GRPEL2: variants seen among roughly 807,000 people sequenced by gnomAD.
The protein encoded by GRPEL2 is grpE protein homolog 2, mitochondrial.
Under a neutral mutation model 25.9 loss-of-function variants are expected in GRPEL2, and 18 were observed. The observed-to-expected ratio is 0.70, with a 90% CI of 0.48 to 1.03. The LOEUF is 1.03. Among genes scored for constraint, GRPEL2 ranks in the 50% least tolerant of loss-of-function variants. The pLI, the probability that GRPEL2 is intolerant of heterozygous loss-of-function variation, is 0.00. For missense variants in GRPEL2, 247 were observed against 276.2 expected (o/e 0.89, Z 0.75); for synonymous variants, 106 against 107.9 (o/e 0.98, Z 0.11).
rs1460106645 is a variant in GRPEL2 at position 149,352,265 on chromosome 5, T to TTAAATA, written c.*983_*984insTAAATA. The TTAAATA allele has an allele frequency of 6.6e-6, 1 of 152,114 alleles. No individual in the cohort carries two copies. Among genetic ancestry groups the TTAAATA allele is most frequent in the East Asian group, 1.9e-4 (1 of 5,198 alleles). The allele number at this position is 152,114 out of a possible 1,614,324, so 9.4% of individuals were successfully genotyped here. A position where few individuals can be genotyped will look rare whatever the true frequency, so the allele number is the denominator to read the frequency against. ...TTTAAGTTTCCTCTGGCTCTATTTA[T>TTAAATA]GTTACTTTTTGCGATAAGAACACTT... On this transcript the variant is annotated 3_prime_UTR_variant, in exon 4 of 4. Transcript: ENST00000329271.
chr5:149,348,755 C>G lies in GRPEL2; in HGVS notation c.231+330C>G, dbSNP rs115867108. ...TTGTTGAATGAGTGAGGTCACTGAC[C>G]ATTGTTCTTTGCTGATGAGACCATG... On this transcript the variant is annotated intron_variant, in intron 2 of 3. Coordinates refer to ENST00000329271, the MANE Select transcript of GRPEL2 (RefSeq NM_152407.4). 3.3e-3 allele frequency among the ~76,000 whole-genome samples: 503 copies of G among 152,166 alleles called. 2 individuals are homozygous for G. The highest frequency in any genetic ancestry group is 6.1e-3 in the Non-Finnish European group (416 of 67,996).
chr5:149,345,900 T>C, intron 1 of GRPEL2: 2 of 451,918 alleles, frequency 4.4e-6, no homozygotes, highest in Non-Finnish European at 7.9e-6. Context: ...GATGTACCAC[T>C]CTCCCGGCCT....
At chr5:149,346,838 C>T (rs1039695923) in intron 1 of GRPEL2, among the ~76,000 whole-genome samples, 3 of 147,536 alleles carry the variant, frequency 2.0e-5, no homozygotes, top group Non-Finnish European at 4.5e-5. Flanking sequence ...CCCGGGTTCA[C>T]GCCATTCTCC....
intron 2 of GRPEL2, among the ~76,000 whole-genome samples, chr5:149,349,425 C>T (rs913424027): frequency 3.3e-5 from 5 of 152,160 alleles, no homozygotes; most frequent in Non-Finnish European, 7.4e-5. Flanking sequence ...AACTTGAAAC[C>T]GTTAGGAGTT....
rs752290638 is a variant in GRPEL2 at position 149,351,154 on chromosome 5, G to A, written c.550G>A (p.Val184Met). 6 of 1,614,188 alleles carry A rather than the reference G, an allele frequency of 3.7e-6. No individual in the cohort carries two copies. In the South Asian group the frequency reaches 6.6e-5, roughly 18 times the overall value. The change falls in exon 4 of 4, where the codon GTG (valine) becomes ATG (methionine). Residue 184 changes from valine to methionine, a missense_variant. Val to Met is a conservative substitution (Grantham distance 21). Transcript: ENST00000329271. Reference sequence around the variant, plus strand: ...CCATGAGCATGAACTCATCTGTCATGTGCCAGCTGGTGTTGGGGTGCAGCC... The same window carrying A: ...CCATGAGCATGAACTCATCTGTCATATGCCAGCTGGTGTTGGGGTGCAGCC... ...DPHEHELICH[V>M]PAGVGVQPGT... is the part of the protein sequence containing the mutation.
At position 149,349,819 on chromosome 5, in the gene GRPEL2, G is replaced by C. The variant is rs528422476; in HGVS notation, c.313+84G>C. 24 of 957,960 alleles carry C rather than the reference G, an allele frequency of 2.5e-5. 1 individual carries two copies. Among genetic ancestry groups the C allele is most frequent in the Middle Eastern group, 4.2e-4 (2 of 4,778 alleles). 59.3% of individuals were successfully genotyped at this position (957,960 alleles called of 1,614,324 possible). On this transcript the variant is annotated intron_variant, in intron 3 of 3. Transcript: ENST00000329271. Reference sequence around the variant, plus strand: ...AATCCCAGCACTTTGAGAGTCTAAGGCTGTCAGATCACATGAGATCAGGAT... The same window carrying C: ...AATCCCAGCACTTTGAGAGTCTAAGCCTGTCAGATCACATGAGATCAGGAT...
At position 149,351,477 on chromosome 5, in the gene GRPEL2, C is replaced by T. The variant is rs1330687596; in HGVS notation, c.*195C>T. ...TCTCATCAGAAGTCTTACCATTGGG[C>T]ATTTGAACAGTGTGACAGGTGTTCC... On this transcript the variant is annotated 3_prime_UTR_variant, in exon 4 of 4. Transcript: ENST00000329271. 1.2e-5 allele frequency: 7 copies of T among 569,352 alleles called. No homozygotes were observed. Among genetic ancestry groups the T allele is most frequent in the African/African-American group, 5.6e-5 (3 of 53,556 alleles). The allele number at this position is 569,352 out of a possible 1,614,324, so 35.3% of individuals were successfully genotyped here. A position where few individuals can be genotyped will look rare whatever the true frequency, so the allele number is the denominator to read the frequency against.
chr5:149,346,233 CG>C (rs1454705392), intron 1 of GRPEL2, among the ~76,000 whole-genome samples: 87 of 152,284 alleles, frequency 5.7e-4, no homozygotes, highest in African/African-American at 2.0e-3. Context: ...TGGTGGAACC[CG>C]GGCTGGAAAC....
At position 149,353,567 on chromosome 5, in the gene GRPEL2, G is replaced by C. The variant is rs1314799753; in HGVS notation, c.*2285G>C. ...CCATGACTGGCTAGTTTTGTTTTTT[G>C]GTTTTTGGTTTTTGGTTTTTGGTTT... is the stretch of plus-strand genomic sequence containing the variant. On this transcript the variant is annotated 3_prime_UTR_variant, in exon 4 of 4. Transcript: ENST00000329271. 1 of 135,696 alleles carries C rather than the reference G, an allele frequency of 7.4e-6. No individual in the cohort carries two copies. Among genetic ancestry groups the C allele is most frequent in the Admixed American group, 7.0e-5 (1 of 14,190 alleles). 8.4% of individuals were successfully genotyped at this position (135,696 alleles called of 1,614,324 possible). A position where few individuals can be genotyped will look rare whatever the true frequency, so the allele number is the denominator to read the frequency against.
chr5:149,347,557 G>A (rs711163), intron 1 of GRPEL2, among the ~76,000 whole-genome samples: 17,214 of 152,198 alleles, frequency 0.11, 1,324 homozygotes, highest in Non-Finnish European at 0.17. Flanking sequence ...TGAACTAAAT[G>A]TCAAAACAGT....
In GRPEL2 at chr5:149,348,255, C is replaced by T; in HGVS notation, c.78-17C>T. 6.3e-7 allele frequency: 1 copy of T among 1,579,974 alleles called. No homozygotes were observed. The highest frequency in any genetic ancestry group is 8.6e-7 in the Non-Finnish European group (1 of 1,168,460). ...GATGGCATTTCTTCATTATGTGCCA[C>T]CTCCTTCCTGTTTTAGGGGATGGCC... On this transcript the variant is annotated splice_polypyrimidine_tract_variant and intron_variant, in intron 1 of 3. Transcript: ENST00000329271.
intron 3 of GRPEL2, among the ~76,000 whole-genome samples, chr5:149,350,318 T>C (rs1229350154): frequency 6.6e-6 from 1 of 152,236 alleles, no homozygotes; most frequent in African/African-American, 2.4e-5. Context: ...GTATGACTCT[T>C]TTAAAAAATC....
chr5:149,348,561 C>T, intron 2 of GRPEL2, 136 bp downstream of exon 2: 1 of 671,876 alleles, frequency 1.5e-6, no homozygotes, highest in Non-Finnish European at 2.4e-6. Flanking sequence ...CTCCTCCACT[C>T]CTTGCTAGGT....
intron 1 of GRPEL2, among the ~76,000 whole-genome samples, chr5:149,347,352 A>G (rs1371082424): frequency 6.6e-6 from 1 of 152,150 alleles, no homozygotes; most frequent in African/African-American, 2.4e-5. Flanking sequence ...TCTACAGTAT[A>G]TGCCAGTCCA....
chr5:149,349,974 G>A (rs940684921), intron 3 of GRPEL2: 5 of 541,724 alleles, frequency 9.2e-6, no homozygotes, highest in Non-Finnish European at 1.6e-5. Flanking sequence ...AACCCAGGAG[G>A]CAGAGGTTGC....
Position 149,353,998 on chromosome 5 carries a change from G to A in GRPEL2, c.*2716G>A, listed in dbSNP as rs895722710. The A allele has an allele frequency of 2.6e-5, 4 of 152,138 alleles. No homozygotes were observed. Among genetic ancestry groups the A allele is most frequent in the African/African-American group, 9.7e-5 (4 of 41,428 alleles). 9.4% of individuals were successfully genotyped at this position (152,138 alleles called of 1,614,324 possible). On this transcript the variant is annotated 3_prime_UTR_variant, in exon 4 of 4. Transcript: ENST00000329271. ...AATGTGTTAAATGCCTACTACAGTA[G>A]GTGCTCAGATATTTATTTTTATTTT... is the stretch of plus-strand genomic sequence containing the variant.
intron 3 of GRPEL2, among the ~76,000 whole-genome samples, chr5:149,350,454 A>G (rs995682537): frequency 6.6e-6 from 1 of 152,138 alleles, no homozygotes; most frequent in Non-Finnish European, 1.5e-5. Context: ...ACCCCTTAGC[A>G]TAGTGTTGTT....
Position 149,346,988 on chromosome 5 carries a change from G to GTGC in GRPEL2, c.78-1281_78-1279dup, listed in dbSNP as rs530273319. On this transcript the variant is annotated intron_variant, in intron 1 of 3. Coordinates refer to ENST00000329271, the MANE Select transcript of GRPEL2 (RefSeq NM_152407.4). The stretch of plus-strand genomic sequence containing the variant: ...GATCCGCACGCCTCGGCCTCCCAAA[G>GTGC]TGCTGGGATTACAGGCGTGAGCCAC... Among the ~76,000 whole-genome samples, 39 of 152,210 alleles carry GTGC rather than the reference G, an allele frequency of 2.6e-4. 1 individual carries two copies. The South Asian group carries it at 7.3e-3, about 28-fold the overall frequency.
intron 2 of GRPEL2, among the ~76,000 whole-genome samples, chr5:149,348,912 T>C (rs1441632999): frequency 6.6e-6 from 1 of 151,764 alleles, no homozygotes; most frequent in Non-Finnish European, 1.5e-5. Flanking sequence ...ATGACAGCAA[T>C]TGAAAGAACC....
Sources: gnomAD v4.1 joint callset for allele counts (sites outside exome capture counted in the v4.1 genomes callset) on GRCh38, gnomAD v4.1.1 for gene constraint, MANE v1.5 for transcripts, NCBI Gene and HGNC (gene_info 2026-07-23, HGNC 2026-07-21) for gene names.